The following PIP5K1B variants were observed in gnomAD, a reference collection of about 807,000 sequenced individuals.
PIP5K1B encodes the protein phosphatidylinositol 4-phosphate 5-kinase type-1 beta.
PIP5K1B carries 42 observed loss-of-function variants against 67.0 expected under a neutral mutation model. The ratio of observed to expected loss-of-function variants is 0.63; its 90% CI spans 0.49 to 0.81. The LOEUF is 0.81. PIP5K1B is among the 30% of genes least tolerant of loss of function. PIP5K1B has a pLI of 0.00. For synonymous variants in PIP5K1B, 214 were observed against 231.4 expected (o/e 0.92, Z 0.68); for missense variants, 459 against 646.3 (o/e 0.71, Z 3.14).
chr9:68,949,570 T>C (rs1827959646), intron 14 of PIP5K1B, among the ~76,000 whole-genome samples: 1 of 152,230 alleles, frequency 6.6e-6, no homozygotes, highest in Admixed American at 6.5e-5. Context: ...CAGATTCTAG[T>C]AAGGAGAACA....
chr9:68,797,812 C>T (rs988505819), intron 2 of PIP5K1B, among the ~76,000 whole-genome samples: 7 of 151,178 alleles, frequency 4.6e-5, no homozygotes, highest in East Asian at 2.0e-4. Context: ...TCACTGTGCC[C>T]GTTTTGTTTT....
chr9:68,763,098 G>C (rs1261257340), intron 2 of PIP5K1B, among the ~76,000 whole-genome samples: 1 of 152,096 alleles, frequency 6.6e-6, no homozygotes, highest in Non-Finnish European at 1.5e-5. Context: ...TCTTAGGATG[G>C]ACCGGGATAT....
chr9:68,929,439 C>T (rs1031273690), intron 12 of PIP5K1B, among the ~76,000 whole-genome samples: 1 of 152,120 alleles, frequency 6.6e-6, no homozygotes, highest in Admixed American at 6.5e-5. Flanking sequence ...AACAAACCTC[C>T]TCAACGATCT....
intron 13 of PIP5K1B, among the ~76,000 whole-genome samples, chr9:68,938,628 G>A (rs138261648): frequency 1.3e-4 from 20 of 152,226 alleles, no homozygotes; most frequent in East Asian, 3.9e-4. Context: ...ATTTCATCCC[G>A]TCATTATGAT....
chr9:68,878,010 G>GT (rs1220676073), intron 6 of PIP5K1B, among the ~76,000 whole-genome samples: 1 of 94,406 alleles, frequency 1.1e-5, no homozygotes, highest in African/African-American at 3.4e-5. Context: ...ACACGCATTT[G>GT]TTCTGTGTGT....
intron 5 of PIP5K1B, 71 bp from the exon 6 acceptor site, chr9:68,876,606 C>T: frequency 1.2e-6 from 1 of 852,216 alleles, no homozygotes; most frequent in South Asian, 1.4e-5. Context: ...AATAGAGCTA[C>T]AATTTGCGGT....
chr9:68,736,608 C>T (rs1466441250), intron 1 of PIP5K1B, among the ~76,000 whole-genome samples: 1 of 152,172 alleles, frequency 6.6e-6, no homozygotes, highest in Non-Finnish European at 1.5e-5. Flanking sequence ...AATCCATTTC[C>T]TTGCTTCTTC....
At chr9:68,718,444 G>A (rs1340177449) in intron 1 of PIP5K1B, among the ~76,000 whole-genome samples, 1 of 152,122 alleles carries the variant, frequency 6.6e-6, no homozygotes, top group African/African-American at 2.4e-5. Context: ...ATAATTTGAC[G>A]GTGTAGTTTT....
At chr9:68,978,909 G>A (rs145885897) in intron 14 of PIP5K1B, among the ~76,000 whole-genome samples, 2 of 152,174 alleles carry the variant, frequency 1.3e-5, no homozygotes, top group South Asian at 2.1e-4. Context: ...AGCTTTCTAC[G>A]TTTAACTTTC....
chr9:68,872,116 G>A (rs1823654923), intron 5 of PIP5K1B, among the ~76,000 whole-genome samples: 1 of 152,236 alleles, frequency 6.6e-6, no homozygotes, highest in African/African-American at 2.4e-5. Flanking sequence ...GTGTTTGAAT[G>A]TTGGCAGTTC....
chr9:68,835,820 C>T (rs1387212471), intron 4 of PIP5K1B, among the ~76,000 whole-genome samples: 1 of 147,572 alleles, frequency 6.8e-6, no homozygotes, highest in African/African-American at 2.5e-5. Flanking sequence ...TTTAAAAAGC[C>T]TGTGCCTAGA....
At chr9:68,862,752 A>G (rs1289523197) in intron 4 of PIP5K1B, among the ~76,000 whole-genome samples, 2 of 151,980 alleles carry the variant, frequency 1.3e-5, no homozygotes, top group African/African-American at 4.8e-5. Context: ...AGGTTGCACG[A>G]CTGCACTCCA....
chr9:68,991,709 C>T (rs1452139180), intron 15 of PIP5K1B, among the ~76,000 whole-genome samples: 1 of 152,170 alleles, frequency 6.6e-6, no homozygotes, highest in Non-Finnish European at 1.5e-5. Context: ...TCAGTTGTCA[C>T]CAACCAGCTG....
At chr9:68,759,438 A>G (rs1363606910) in intron 2 of PIP5K1B, among the ~76,000 whole-genome samples, 1 of 152,118 alleles carries the variant, frequency 6.6e-6, no homozygotes, top group Non-Finnish European at 1.5e-5. Context: ...AACCATTTAG[A>G]AAACTAAAAC....
chr9:68,850,234 G>A (rs536573588), intron 4 of PIP5K1B, among the ~76,000 whole-genome samples: 6 of 152,222 alleles, frequency 3.9e-5, no homozygotes, highest in South Asian at 2.1e-4. Flanking sequence ...CCTAGGAGTC[G>A]GACACATCAT....
intron 5 of PIP5K1B, among the ~76,000 whole-genome samples, chr9:68,875,648 G>T (rs1378864600): frequency 6.6e-6 from 1 of 152,094 alleles, no homozygotes; most frequent in Non-Finnish European, 1.5e-5. Flanking sequence ...CATTTGCCCA[G>T]TCCTTTTTGT....
chr9:68,964,760 A>T (rs1164170772), intron 14 of PIP5K1B, among the ~76,000 whole-genome samples: 1 of 152,244 alleles, frequency 6.6e-6, no homozygotes, highest in African/African-American at 2.4e-5. Context: ...CGTAGAGGGG[A>T]GAGAAATAGC....
intron 2 of PIP5K1B, among the ~76,000 whole-genome samples, chr9:68,768,661 G>A (rs1204000271): frequency 2.0e-5 from 3 of 152,158 alleles, no homozygotes; most frequent in Non-Finnish European, 1.5e-5. Flanking sequence ...CAAATTGTAA[G>A]CATCCACATT....
chr9:68,793,456 G>A (rs923065435), intron 2 of PIP5K1B, among the ~76,000 whole-genome samples: 18 of 152,272 alleles, frequency 1.2e-4, no homozygotes, highest in African/African-American at 2.9e-4. Flanking sequence ...GGGTGGTAGC[G>A]GTGGAGGTGG....
Sources: gnomAD v4.1 joint callset for allele counts (sites outside exome capture counted in the v4.1 genomes callset) on GRCh38, gnomAD v4.1.1 for gene constraint, MANE v1.5 for transcripts, NCBI Gene and HGNC (gene_info 2026-07-23, HGNC 2026-07-21) for gene names.